Variants in MARCHF3 observed in about 807,000 individuals in gnomAD.
The protein encoded by MARCHF3 is E3 ubiquitin-protein ligase MARCHF3.
A neutral mutation model predicts 24.2 loss-of-function variants in MARCHF3; 13 were observed. The ratio of observed to expected loss-of-function variants is 0.54; its 90% CI spans 0.35 to 0.85. MARCHF3 has a LOEUF of 0.85. Ranked by LOEUF, MARCHF3 falls within the 40% of genes least tolerant of loss-of-function variation. The pLI, the probability that MARCHF3 is intolerant of heterozygous loss-of-function variation, is 0.01. For synonymous variants in MARCHF3, 144 were observed against 137.3 expected (o/e 1.05, Z -0.34); for missense variants, 276 against 325.0 (o/e 0.85, Z 1.16).
intron 1 of MARCHF3, among the ~76,000 whole-genome samples, chr5:127,005,659 A>G (rs1752288048): frequency 6.6e-6 from 1 of 152,118 alleles, no homozygotes; most frequent in African/African-American, 2.4e-5. Flanking sequence ...TATTGTCTCA[A>G]AGGGGTCTGT....
intron 1 of MARCHF3, among the ~76,000 whole-genome samples, chr5:126,934,432 A>ATTT (rs34440613): frequency 5.6e-5 from 8 of 142,768 alleles, no homozygotes; most frequent in Admixed American, 4.9e-4. Flanking sequence ...GGTAGCCTCT[A>ATTT]TTTTTTTTTT....
At chr5:126,876,152 C>A (rs562273015) in intron 4 of MARCHF3, among the ~76,000 whole-genome samples, 2 of 152,130 alleles carry the variant, frequency 1.3e-5, no homozygotes, top group African/African-American at 4.8e-5. Flanking sequence ...TTGAGATAAC[C>A]TTTCTTTTCT....
At chr5:126,949,574 A>G (rs1373829274) in intron 1 of MARCHF3, among the ~76,000 whole-genome samples, 1 of 152,132 alleles carries the variant, frequency 6.6e-6, no homozygotes, top group Non-Finnish European at 1.5e-5. Context: ...GCAACCCTTC[A>G]TCTGAGACCC....
Position 127,023,779 on chromosome 5 carries a change from A to T in MARCHF3, c.-57+6571T>A, listed in dbSNP as rs185320511. ...AAATAAATAAATAAATAAATAAATA[A>T]AAATAAAAAATAAAAAAAGGTTCCC... On this transcript the variant is annotated intron_variant, in intron 1 of 4. Coordinates refer to ENST00000308660, the MANE Select transcript of MARCHF3 (RefSeq NM_178450.5). Among the ~76,000 whole-genome samples, 836 of 147,558 alleles carry T rather than the reference A, an allele frequency of 5.7e-3. 9 individuals are homozygous for T. The highest frequency in any genetic ancestry group is 0.019 in the African/African-American group (770 of 40,262).
intron 1 of MARCHF3, among the ~76,000 whole-genome samples, chr5:126,921,645 A>G (rs1749111853): frequency 6.6e-6 from 1 of 152,192 alleles, no homozygotes; most frequent in Non-Finnish European, 1.5e-5. Context: ...CTGCTTTCTT[A>G]TCAATGCCAG....
At position 126,962,230 on chromosome 5, in the gene MARCHF3, A is replaced by ATC. The variant is rs201930522; in HGVS notation, c.-56-44004_-56-44003insGA. Among the ~76,000 whole-genome samples the ATC allele has an allele frequency of 8.4e-3, 1,277 of 152,032 alleles. 17 individuals are homozygous for ATC. Among genetic ancestry groups the ATC allele is most frequent in the African/African-American group, 0.029 (1,217 of 41,432 alleles). On this transcript the variant is annotated intron_variant, in intron 1 of 4. Coordinates refer to ENST00000308660, the MANE Select transcript of MARCHF3 (RefSeq NM_178450.5). ...ACACACCCTATATATCTATATCTATATATCTCTCTCTCTATATATATATAT... is the reference window on the plus strand; with the variant it reads ...ACACACCCTATATATCTATATCTATATCTATCTCTCTCTCTATATATATATAT...
At chr5:126,893,715 T>C (rs1292940113) in intron 3 of MARCHF3, among the ~76,000 whole-genome samples, 6 of 129,334 alleles carry the variant, frequency 4.6e-5, no homozygotes, top group Non-Finnish European at 9.7e-5. Flanking sequence ...TCCAAGTATG[T>C]GGTCAATTTT....
intron 3 of MARCHF3, chr5:126,898,900 C>T (rs945971475): frequency 1.0e-6 from 1 of 984,952 alleles, no homozygotes; most frequent in Non-Finnish European, 1.2e-6. Context: ...AATCTGACTT[C>T]AATCTTCACA....
intron 1 of MARCHF3, among the ~76,000 whole-genome samples, chr5:126,984,793 C>T (rs1751506536): frequency 6.6e-6 from 1 of 152,184 alleles, no homozygotes; most frequent in Admixed American, 6.5e-5. Flanking sequence ...ACAGGAAATA[C>T]TTGGAGGATT....
chr5:126,986,698 T>A lies in MARCHF3; in HGVS notation c.-57+43652A>T, dbSNP rs942797726. ...GCAAATAAATTTGAGCTAAATCATA[T>A]GCCTTTTCTCTTTTTTAACCTTAAG... On this transcript the variant is annotated intron_variant, in intron 1 of 4. Transcript: ENST00000308660. Among the ~76,000 whole-genome samples the A allele has an allele frequency of 7.3e-4, 111 of 152,212 alleles. 1 individual carries two copies. The highest frequency in any genetic ancestry group is 2.6e-3 in the African/African-American group (106 of 41,444).
intron 3 of MARCHF3, among the ~76,000 whole-genome samples, chr5:126,900,224 T>C (rs1181896893): frequency 6.6e-6 from 1 of 152,048 alleles, no homozygotes; most frequent in African/African-American, 2.4e-5. Flanking sequence ...TATGTGTGCA[T>C]AGGTTCATGC....
intron 1 of MARCHF3, among the ~76,000 whole-genome samples, chr5:127,007,232 CAAAG>C (rs1334843280): frequency 1.3e-5 from 2 of 151,410 alleles, no homozygotes; most frequent in African/African-American, 4.9e-5. Flanking sequence ...ATTTTTCTGA[CAAAG>C]AAATTCATTT....
chr5:126,900,155 C>T (rs1754057104), intron 3 of MARCHF3, among the ~76,000 whole-genome samples: 1 of 152,000 alleles, frequency 6.6e-6, no homozygotes, highest in African/African-American at 2.4e-5. Context: ...TCCATCTTCC[C>T]CCTTCTGAAG....
intron 1 of MARCHF3, among the ~76,000 whole-genome samples, chr5:126,976,535 G>C (rs1208098176): frequency 6.6e-6 from 1 of 152,184 alleles, no homozygotes; most frequent in African/African-American, 2.4e-5. Flanking sequence ...CAAAAGCTGA[G>C]CCTCTGTATT....
In MARCHF3 at chr5:127,005,227, C is replaced by T. The variant is rs565676765; in HGVS notation, c.-57+25123G>A. 7.8e-3 allele frequency among the ~76,000 whole-genome samples: 1,174 copies of T among 150,734 alleles called. 7 individuals carry two copies. The highest frequency in any genetic ancestry group is 0.013 in the Non-Finnish European group (851 of 67,808). ...TCTCAGCTCACTGCAACCTCCATCA[C>T]CCGGGTTCAAGCAATTCTCCTGTCT... is the stretch of plus-strand genomic sequence containing the variant. On this transcript the variant is annotated intron_variant, in intron 1 of 4. Transcript: ENST00000308660.
In MARCHF3 at chr5:126,908,671, T is replaced by A. The variant is rs1212817723; in HGVS notation, c.393+6259A>T. ...TCTCGAGCCTTGGTTTTCAGCTCCATCAGCTCCTTTAAGCACTTCTCTGTA... is the reference window on the plus strand; with the variant it reads ...TCTCGAGCCTTGGTTTTCAGCTCCAACAGCTCCTTTAAGCACTTCTCTGTA... On this transcript the variant is annotated intron_variant, in intron 3 of 4. Transcript: ENST00000308660. Among the ~76,000 whole-genome samples the A allele has an allele frequency of 2.0e-5, 3 of 151,624 alleles. 1 individual carries two copies. Among genetic ancestry groups the A allele is most frequent in the African/African-American group, 7.3e-5 (3 of 40,996 alleles).
intron 1 of MARCHF3, among the ~76,000 whole-genome samples, chr5:126,920,104 A>G (rs1250505815): frequency 6.6e-6 from 1 of 151,978 alleles, no homozygotes; most frequent in African/African-American, 2.4e-5. Context: ...GAGCACAAAG[A>G]ACACAATAAA....
chr5:126,973,958 C>T (rs1751108463), intron 1 of MARCHF3, among the ~76,000 whole-genome samples: 1 of 130,504 alleles, frequency 7.7e-6, no homozygotes, highest in Non-Finnish European at 1.5e-5. Flanking sequence ...ACTGCAGTGG[C>T]ACAATCTCGG....
At chr5:126,959,884 T>C (rs969793064) in intron 1 of MARCHF3, among the ~76,000 whole-genome samples, 2 of 152,136 alleles carry the variant, frequency 1.3e-5, no homozygotes, top group African/African-American at 4.8e-5. Context: ...CCTCTACTAA[T>C]TACCAATGTA....
Sources: gnomAD v4.1 joint callset for allele counts (sites outside exome capture counted in the v4.1 genomes callset) on GRCh38, gnomAD v4.1.1 for gene constraint, MANE v1.5 for transcripts, NCBI Gene and HGNC (gene_info 2026-07-23, HGNC 2026-07-21) for gene names.